The following PDGFD variants were observed in gnomAD, a reference collection of about 807,000 sequenced individuals.
The protein encoded by PDGFD is platelet derived growth factor D.
PDGFD carries 30 observed loss-of-function variants against 44.7 expected under a neutral mutation model. That is an observed-to-expected ratio of 0.67 (90% confidence interval 0.50 to 0.91). The LOEUF (loss-of-function observed/expected upper bound fraction) is 0.91. Ranked by LOEUF, PDGFD falls within the 40% of genes least tolerant of loss-of-function variation. The pLI, the probability that PDGFD is intolerant of heterozygous loss-of-function variation, is 0.00. For synonymous variants in PDGFD, 173 were observed against 168.4 expected (o/e 1.03, Z -0.21); for missense variants, 445 against 457.8 (o/e 0.97, Z 0.25).
rs1028995863 is a variant in PDGFD at position 104,055,797 on chromosome 11, T to A, written c.125-55542A>T. Among the ~76,000 whole-genome samples, 4 of 152,282 alleles carry A rather than the reference T, an allele frequency of 2.6e-5. No homozygotes were observed. In the East Asian group the frequency reaches 7.7e-4, roughly 29 times the overall value. ...AGAAATTACTACTGAAGTACAAGCA[T>A]AATGGAACCGTTGCCATAGAAATGG... On this transcript the variant is annotated intron_variant, in intron 1 of 6. Transcript: ENST00000393158.
intron 5 of PDGFD, among the ~76,000 whole-genome samples, chr11:103,942,451 A>G (rs1405899157): frequency 6.6e-6 from 1 of 151,984 alleles, no homozygotes; most frequent in Non-Finnish European, 1.5e-5. Context: ...TTATTTTTTT[A>G]GTTTAAGCAT....
At chr11:104,105,098 T>TG (rs956894920) in intron 1 of PDGFD, among the ~76,000 whole-genome samples, 1 of 152,162 alleles carries the variant, frequency 6.6e-6, no homozygotes, top group African/African-American at 2.4e-5. Context: ...ACCCCATTAA[T>TG]GGGGGATCCG....
At chr11:104,018,880 T>G (rs1859903522) in intron 1 of PDGFD, among the ~76,000 whole-genome samples, 1 of 152,216 alleles carries the variant, frequency 6.6e-6, no homozygotes, top group Non-Finnish European at 1.5e-5. Flanking sequence ...CTTACTGGAC[T>G]TTTTAGTTCT....
At chr11:104,028,664 T>C (rs1860081965) in intron 1 of PDGFD, among the ~76,000 whole-genome samples, 1 of 149,424 alleles carries the variant, frequency 6.7e-6, no homozygotes, top group Admixed American at 6.8e-5. Flanking sequence ...TCTTAACCAC[T>C]GGCATGAAGG....
intron 1 of PDGFD, among the ~76,000 whole-genome samples, chr11:104,068,395 T>C (rs980022558): frequency 4.6e-5 from 7 of 152,218 alleles, no homozygotes; most frequent in Non-Finnish European, 7.4e-5. Flanking sequence ...GATTATTCTC[T>C]TCTTTTGCTG....
intron 1 of PDGFD, among the ~76,000 whole-genome samples, chr11:104,108,581 G>C (rs1477578148): frequency 6.6e-6 from 1 of 152,100 alleles, no homozygotes; most frequent in East Asian, 1.9e-4. Flanking sequence ...GGAGAAATAG[G>C]AACACTTTTA....
intron 1 of PDGFD, 135 bp from the exon 2 acceptor site, chr11:104,000,390 A>T: frequency 1.3e-6 from 1 of 744,938 alleles, no homozygotes; most frequent in South Asian, 1.9e-5. Context: ...GTCTAAATGC[A>T]AATAAACAAA....
In PDGFD at chr11:103,926,990, T is replaced by C; in HGVS notation, c.909A>G (p.Gly303=). 1.9e-6 allele frequency: 3 copies of C among 1,614,194 alleles called. No individual in the cohort carries two copies. Among genetic ancestry groups the C allele is most frequent in the Non-Finnish European group, 2.5e-6 (3 of 1,180,036 alleles). ...TGACAGTTCCACAGCCACAATTTCCTCCACAGCGCTGCACGAGGAGGCAAC... is the reference window on the plus strand; with the variant it reads ...TGACAGTTCCACAGCCACAATTTCCCCCACAGCGCTGCACGAGGAGGCAAC... ...FPRCLLVQRC[G]GNCGCGTVNW... The change falls in exon 6 of 7, where the codon GGA becomes GGG. Residue 303 remains glycine (G), a synonymous_variant. Coordinates refer to ENST00000393158, the MANE Select transcript of PDGFD (RefSeq NM_025208.5).
At chr11:104,032,341 G>A (rs148246446) in intron 1 of PDGFD, among the ~76,000 whole-genome samples, 1 of 152,198 alleles carries the variant, frequency 6.6e-6, no homozygotes, top group Non-Finnish European at 1.5e-5. Flanking sequence ...TAAGGGTACA[G>A]CTTTTAAAAT....
At chr11:104,050,703 G>A (rs1419068523) in intron 1 of PDGFD, among the ~76,000 whole-genome samples, 3 of 152,116 alleles carry the variant, frequency 2.0e-5, no homozygotes, top group South Asian at 2.1e-4. Flanking sequence ...AGTACTGCAG[G>A]TCTGGGGTAC....
At chr11:104,150,244 C>T (rs541214521) in intron 1 of PDGFD, among the ~76,000 whole-genome samples, 1 of 152,138 alleles carries the variant, frequency 6.6e-6, no homozygotes, top group South Asian at 2.1e-4. Context: ...CCTTATCATC[C>T]TCAATTTAAT....
At chr11:104,105,296 T>C (rs1431390762) in intron 1 of PDGFD, among the ~76,000 whole-genome samples, 1 of 152,170 alleles carries the variant, frequency 6.6e-6, no homozygotes, top group African/African-American at 2.4e-5. Flanking sequence ...CCAGTCTTTA[T>C]TATAGTACAC....
chr11:104,049,134 A>G (rs1204290804), intron 1 of PDGFD, among the ~76,000 whole-genome samples: 1 of 152,174 alleles, frequency 6.6e-6, no homozygotes, highest in Non-Finnish European at 1.5e-5. Context: ...AAATAAATAT[A>G]TCATTTCAGG....
At position 103,920,676 on chromosome 11, in the gene PDGFD, A is replaced by G. The variant is rs533256590; in HGVS notation, c.987+6236T>C. Among the ~76,000 whole-genome samples, 5 of 152,354 alleles carry G rather than the reference A, an allele frequency of 3.3e-5. No individual in the cohort carries two copies. The South Asian group carries it at 1.0e-3, about 32-fold the overall frequency. On this transcript the variant is annotated intron_variant, in intron 6 of 6. Transcript: ENST00000393158. Reference sequence around the variant, plus strand: ...AGAAAGCCAGACCAGGCTCTCATCTAATTCCACCCACATCTGTCTTGTACT... The same window carrying G: ...AGAAAGCCAGACCAGGCTCTCATCTGATTCCACCCACATCTGTCTTGTACT...
chr11:104,080,794 T>G (rs1861034180), intron 1 of PDGFD, among the ~76,000 whole-genome samples: 1 of 152,210 alleles, frequency 6.6e-6, no homozygotes, highest in Non-Finnish European at 1.5e-5. Flanking sequence ...TAAAAGACAT[T>G]GCAGTTTCCA....
chr11:104,011,124 C>T (rs1248705377), intron 1 of PDGFD, among the ~76,000 whole-genome samples: 1 of 151,806 alleles, frequency 6.6e-6, no homozygotes, highest in African/African-American at 2.4e-5. Flanking sequence ...AAGAAGTAAC[C>T]AACCCAATAA....
chr11:104,160,191 A>G (rs2119933778), intron 1 of PDGFD, among the ~76,000 whole-genome samples: 1 of 152,332 alleles, frequency 6.6e-6, no homozygotes, highest in East Asian at 1.9e-4. Context: ...AGGCAGCACA[A>G]TTACTAGAAC....
chr11:103,992,227 A>G (rs1763065061), intron 3 of PDGFD, among the ~76,000 whole-genome samples: 1 of 152,150 alleles, frequency 6.6e-6, no homozygotes, highest in Non-Finnish European at 1.5e-5. Flanking sequence ...TATGAATCAT[A>G]TTTTCCCAAG....
chr11:104,154,989 G>A (rs1652329976), intron 1 of PDGFD, among the ~76,000 whole-genome samples: 1 of 152,162 alleles, frequency 6.6e-6, no homozygotes, highest in African/African-American at 2.4e-5. Context: ...TTTGATAGAT[G>A]TGTTTTCTAT....
Sources: allele counts gnomAD v4.1 joint callset (sites outside exome capture counted in the v4.1 genomes callset), GRCh38; gene constraint gnomAD v4.1.1; transcripts MANE v1.5; gene names NCBI Gene and HGNC (gene_info 2026-07-23, HGNC 2026-07-21).